Variants in DCC observed in about 807,000 individuals in gnomAD.
The protein encoded by DCC is DCC netrin 1 receptor.
In DCC, 58 loss-of-function variants were observed where a neutral mutation model predicts 172.5. The ratio of observed to expected loss-of-function variants is 0.34; its 90% CI spans 0.27 to 0.42. The LOEUF (loss-of-function observed/expected upper bound fraction) is 0.42. DCC is among the 10% of genes least tolerant of loss of function. DCC has a pLI of 1.00. For synonymous variants in DCC, 709 were observed against 644.5 expected, an observed-to-expected ratio of 1.10 and a Z score of -1.52; for missense variants, 1,740 against 1,791.0, an observed-to-expected ratio of 0.97 and a Z score of 0.51.
At chr18:52,767,863 G>C (rs2037279466) in intron 2 of DCC, among the ~76,000 whole-genome samples, 1 of 152,146 alleles carries the variant, frequency 6.6e-6, no homozygotes, top group Non-Finnish European at 1.5e-5. Context: ...CATGCCTTCA[G>C]AAAATGTGAA....
intron 12 of DCC, among the ~76,000 whole-genome samples, chr18:53,270,984 A>G (rs980334134): frequency 1.2e-4 from 19 of 152,132 alleles, no homozygotes; most frequent in Admixed American, 9.8e-4. Flanking sequence ...TTTTATTGTT[A>G]AGGCATAAAA....
Position 53,391,777 on chromosome 18 carries a change from G to A in DCC, c.2578G>A (p.Val860Met), listed in dbSNP as rs1224312226. ...GGCTGTGGCTCTTACCCATGATGCTGTGAGGGTCAGCTGGGCAGACAACTC... is the reference window on the plus strand; with the variant it reads ...GGCTGTGGCTCTTACCCATGATGCTATGAGGGTCAGCTGGGCAGACAACTC... ...VQAVALTHDA[V>M]RVSWADNSVP... The change falls in exon 17 of 29, where the codon GTG becomes ATG. Residue 860 changes from valine to methionine, a missense_variant. By Grantham distance (21) the Val-to-Met change is conservative. Transcript: ENST00000442544. The A allele has an allele frequency of 1.2e-6, 2 of 1,613,770 alleles. No homozygotes were observed. Among genetic ancestry groups the A allele is most frequent in the Non-Finnish European group, 1.7e-6 (2 of 1,179,824 alleles).
intron 1 of DCC, among the ~76,000 whole-genome samples, chr18:52,460,558 T>A (rs767743400): frequency 6.6e-6 from 1 of 152,182 alleles, no homozygotes; most frequent in Non-Finnish European, 1.5e-5. Context: ...GAGAAATGCA[T>A]CACTCGGTGG....
intron 1 of DCC, among the ~76,000 whole-genome samples, chr18:52,390,779 T>C (rs925556358): frequency 1.3e-5 from 2 of 152,080 alleles, no homozygotes; most frequent in African/African-American, 4.8e-5. Flanking sequence ...CAAATATTAG[T>C]TATTCCTCAT....
intron 1 of DCC, among the ~76,000 whole-genome samples, chr18:52,416,586 G>A (rs1268620562): frequency 6.8e-6 from 1 of 148,102 alleles, no homozygotes; most frequent in South Asian, 2.2e-4. Flanking sequence ...ATTTAGGATA[G>A]TTAGCTCTTC....
intron 1 of DCC, among the ~76,000 whole-genome samples, chr18:52,351,151 G>A (rs1337455535): frequency 2.8e-5 from 4 of 143,640 alleles, no homozygotes; most frequent in Admixed American, 7.3e-5. Flanking sequence ...AGGGGCAGAC[G>A]AGAGAATATC....
intron 25 of DCC, among the ~76,000 whole-genome samples, chr18:53,479,017 C>A (rs1300280452): frequency 6.6e-6 from 1 of 152,162 alleles, no homozygotes; most frequent in African/African-American, 2.4e-5. Context: ...TATTCCATCA[C>A]CCTTCAGCCC....
chr18:52,353,136 C>T (rs1273171833), intron 1 of DCC, among the ~76,000 whole-genome samples: 1 of 152,216 alleles, frequency 6.6e-6, no homozygotes, highest in African/African-American at 2.4e-5. Flanking sequence ...GCTATGCCAA[C>T]ATCAAAGAGT....
chr18:53,270,662 T>A (rs552964026), intron 12 of DCC, among the ~76,000 whole-genome samples: 16 of 152,224 alleles, frequency 1.1e-4, no homozygotes, highest in African/African-American at 3.4e-4. Context: ...ATGCTGAAAA[T>A]GTAATTAGCC....
chr18:52,420,738 G>A (rs1328304916), intron 1 of DCC, among the ~76,000 whole-genome samples: 2 of 152,096 alleles, frequency 1.3e-5, no homozygotes, highest in African/African-American at 2.4e-5. Flanking sequence ...TTTACTCAGT[G>A]AAGAGGTGGG....
At chr18:52,883,319 T>C (rs1568166546) in intron 2 of DCC, among the ~76,000 whole-genome samples, 1 of 55,846 alleles carries the variant, frequency 1.8e-5, no homozygotes, top group African/African-American at 5.5e-5. Context: ...TTTATTTTTA[T>C]TTTATTTTTT....
At chr18:53,273,164 A>C (rs1197170243) in intron 12 of DCC, among the ~76,000 whole-genome samples, 2 of 152,162 alleles carry the variant, frequency 1.3e-5, no homozygotes, top group Non-Finnish European at 2.9e-5. Context: ...TTGTATTGCT[A>C]TTATATTTAA....
intron 5 of DCC, among the ~76,000 whole-genome samples, chr18:52,927,181 A>ATATATACGTATATATAGGTG (rs2040230867): frequency 1.6e-5 from 1 of 63,326 alleles, no homozygotes; most frequent in Non-Finnish European, 3.6e-5. Flanking sequence ...ATATATGTGT[A>ATATATACGTATATATAGGTG]TATATACGTA....
intron 1 of DCC, among the ~76,000 whole-genome samples, chr18:52,544,455 T>C (rs1442348): frequency 0.025 from 3,789 of 150,442 alleles, 128 homozygotes; most frequent in East Asian, 0.097. Flanking sequence ...TTCTTTCTTT[T>C]TTTTTTTTGT....
chr18:53,055,336 C>T (rs1056533466), intron 5 of DCC, among the ~76,000 whole-genome samples: 5 of 152,252 alleles, frequency 3.3e-5, no homozygotes, highest in African/African-American at 2.4e-5. Context: ...AAATATCCCA[C>T]TTGGGCTTAC....
rs2046534522 is a variant in DCC, at chr18:53,532,554, G to A, written c.*1901G>A. 1 of 152,084 alleles carries A rather than the reference G, an allele frequency of 6.6e-6. No individual in the cohort carries two copies. Among genetic ancestry groups the A allele is most frequent in the Admixed American group, 6.6e-5 (1 of 15,256 alleles). 9.4% of individuals were successfully genotyped at this position (152,084 alleles called of 1,614,324 possible). ...AGGTAGACAACCTTCTACTGACCTG[G>A]AATAAAGTGTTTCCTAACATAATAT... is the stretch of plus-strand genomic sequence containing the variant. On this transcript the variant is annotated 3_prime_UTR_variant, in exon 29 of 29. Transcript: ENST00000442544.
intron 7 of DCC, among the ~76,000 whole-genome samples, chr18:53,124,020 ATCCCTGAAGTGCCT>A (rs1568318393): frequency 6.6e-6 from 1 of 152,038 alleles, no homozygotes; most frequent in African/African-American, 2.4e-5. Context: ...GAAGCTTCCC[ATCCCTGAAGTGCCT>A]TCCCTGTATG....
chr18:52,574,950 C>G (rs2033376308), intron 1 of DCC, among the ~76,000 whole-genome samples: 1 of 152,108 alleles, frequency 6.6e-6, no homozygotes, highest in East Asian at 1.9e-4. Flanking sequence ...ATTAGGTACA[C>G]TGTACTTTCA....
intron 1 of DCC, among the ~76,000 whole-genome samples, chr18:52,360,676 A>G (rs11872629): frequency 1.3e-5 from 2 of 152,150 alleles, no homozygotes. Context: ...TGCATGATTT[A>G]AAAAAATCAG....
Sources: allele counts gnomAD v4.1 joint callset (sites outside exome capture counted in the v4.1 genomes callset), GRCh38; gene constraint gnomAD v4.1.1; transcripts MANE v1.5; gene names NCBI Gene and HGNC (gene_info 2026-07-23, HGNC 2026-07-21).